Variants in ARHGAP17 observed in about 807,000 individuals in gnomAD.
The protein encoded by ARHGAP17 is rho GTPase-activating protein 17.
In ARHGAP17, 57 loss-of-function variants were observed where a neutral mutation model predicts 99.5. The ratio of observed to expected loss-of-function variants is 0.57; its 90% CI spans 0.46 to 0.71. The LOEUF (loss-of-function observed/expected upper bound fraction) is 0.71. Ranked by LOEUF, ARHGAP17 falls within the 30% of genes least tolerant of loss-of-function variation. The pLI is 0.00. For missense variants in ARHGAP17, 1,000 were observed against 1,122.4 expected (o/e 0.89, Z 1.56); for synonymous variants, 417 against 429.6 (o/e 0.97, Z 0.36).
chr16:24,987,092 C>T (rs1347440899), intron 1 of ARHGAP17, among the ~76,000 whole-genome samples: 1 of 152,222 alleles, frequency 6.6e-6, no homozygotes, highest in Non-Finnish European at 1.5e-5. Flanking sequence ...GTTCTCTACC[C>T]AAGAGTTCAG....
At chr16:24,985,275 A>G (rs527707839) in intron 1 of ARHGAP17, among the ~76,000 whole-genome samples, 1 of 152,348 alleles carries the variant, frequency 6.6e-6, no homozygotes, top group East Asian at 1.9e-4. Context: ...TGCTGCTGTA[A>G]CAAATCACCA....
In ARHGAP17 at chr16:24,954,632, G is replaced by A; in HGVS notation, c.823C>T (p.Leu275=). ...IALPIEACVM[L]LLETGMKEEG... is the part of the protein sequence containing the mutation. ...TCCTTCATGCCTGTCTCCAGAAGCA[G>A]CATGACACAGGCTTCAATGGGCAGC... The change falls in exon 10 of 20, where the codon CTG becomes TTG. Residue 275 remains leucine (L), a synonymous_variant. Coordinates refer to ENST00000289968, the MANE Select transcript of ARHGAP17 (RefSeq NM_001006634.3). 6.2e-7 allele frequency: 1 copy of A among 1,613,944 alleles called. No homozygotes were observed. Among genetic ancestry groups the A allele is most frequent in the Non-Finnish European group, 8.5e-7 (1 of 1,179,914 alleles).
At chr16:24,977,391 A>C in intron 2 of ARHGAP17, 72 bp from the exon 3 acceptor site, 1 of 1,271,166 alleles carries the variant, frequency 7.9e-7, no homozygotes, top group Non-Finnish European at 1.1e-6. Context: ...TGGTAGGAAA[A>C]GCATGGCTGA....
At chr16:24,950,836 C>CAAACAAAAAAAAAAAAAAAAA (rs1386246671) in intron 12 of ARHGAP17, among the ~76,000 whole-genome samples, 14 of 39,440 alleles carry the variant, frequency 3.5e-4, no homozygotes, top group African/African-American at 1.5e-3. Context: ...GACTCCAACT[C>CAAACAAAAAAAAAAAAAAAAA]AAAAAAAAAA....
At position 25,003,292 on chromosome 16, in the gene ARHGAP17, T is replaced by G. The variant is rs187652584; in HGVS notation, c.53+11917A>C. Among the ~76,000 whole-genome samples the G allele has an allele frequency of 1.4e-3, 190 of 139,952 alleles. 1 individual carries two copies. In the Middle Eastern group the frequency reaches 0.018, roughly 14 times the overall value. The allele number at this position is 139,952 out of a possible 152,430, so 91.8% of individuals were successfully genotyped here. A position where few individuals can be genotyped will look rare whatever the true frequency, so the allele number is the denominator to read the frequency against. ...CTCTGTTGCCCAGGCTGGATTGCAG[T>G]GGCAGGATCTCAGCTCATTGCAACC... On this transcript the variant is annotated intron_variant, in intron 1 of 19. Transcript: ENST00000289968.
At chr16:24,922,027 G>A (rs1567724587) in intron 19 of ARHGAP17, among the ~76,000 whole-genome samples, 1 of 152,226 alleles carries the variant, frequency 6.6e-6, no homozygotes, top group Non-Finnish European at 1.5e-5. Context: ...CTGCACACTT[G>A]GATGGTTGGA....
chr16:24,947,624 T>C, intron 13 of ARHGAP17, 29 bp from the exon 14 acceptor site: 1 of 1,566,100 alleles, frequency 6.4e-7, no homozygotes, highest in Non-Finnish European at 8.7e-7. Flanking sequence ...GGGGAGGGTT[T>C]CTCCTCTGAA....
chr16:24,924,818 G>A (rs1022774759), intron 19 of ARHGAP17, among the ~76,000 whole-genome samples: 6 of 151,644 alleles, frequency 4.0e-5, no homozygotes, highest in Non-Finnish European at 8.8e-5. Flanking sequence ...AGCTGAGATC[G>A]CACCACTGCA....
At chr16:25,003,194 C>A in intron 1 of ARHGAP17, among the ~76,000 whole-genome samples, 1 of 148,680 alleles carries the variant, frequency 6.7e-6, no homozygotes, top group Non-Finnish European at 1.5e-5. Flanking sequence ...TCAGCTTATA[C>A]AGGGCAAATA....
intron 1 of ARHGAP17, among the ~76,000 whole-genome samples, chr16:24,999,554 C>G (rs1354721852): frequency 6.6e-6 from 1 of 152,082 alleles, no homozygotes; most frequent in African/African-American, 2.4e-5. Flanking sequence ...ATAGCTGGGA[C>G]TACAGGGGTG....
chr16:25,015,141 C>G, intron 1 of ARHGAP17, 68 bp downstream of exon 1: 1 of 1,195,242 alleles, frequency 8.4e-7, no homozygotes, highest in Non-Finnish European at 1.0e-6. Context: ...AGGAGCCGTC[C>G]CGCCCCCGCG....
At chr16:24,970,394 A>T (rs1007550109) in intron 4 of ARHGAP17, 113 bp downstream of exon 4, 23 of 1,000,498 alleles carry the variant, frequency 2.3e-5, no homozygotes, top group African/African-American at 6.5e-5. Context: ...CTAGCGGATG[A>T]GCCATGCCAT....
chr16:24,947,311 G>C (rs1218913191), intron 14 of ARHGAP17, among the ~76,000 whole-genome samples, 171 bp downstream of exon 14: 1 of 152,202 alleles, frequency 6.6e-6, no homozygotes, highest in Non-Finnish European at 1.5e-5. Context: ...CACCAGCTGG[G>C]ACAGCACCCA....
intron 14 of ARHGAP17, among the ~76,000 whole-genome samples, chr16:24,945,494 G>A (rs1017947437): frequency 2.6e-5 from 4 of 151,996 alleles, no homozygotes; most frequent in East Asian, 1.9e-4. Flanking sequence ...TCTTCACCTC[G>A]CTTAATTTTT....
intron 17 of ARHGAP17, among the ~76,000 whole-genome samples, chr16:24,938,592 T>C (rs2051209320): frequency 6.6e-6 from 1 of 151,554 alleles, no homozygotes; most frequent in Non-Finnish European, 1.5e-5. Flanking sequence ...AGGGCATCTA[T>C]GTTTACCCCA....
intron 1 of ARHGAP17, among the ~76,000 whole-genome samples, chr16:24,982,491 G>A (rs149408874): frequency 6.6e-6 from 1 of 152,284 alleles, no homozygotes; most frequent in African/African-American, 2.4e-5. Context: ...TTACTTTTAA[G>A]TGACAAATCA....
intron 7 of ARHGAP17, among the ~76,000 whole-genome samples, chr16:24,962,241 G>A (rs923638528): frequency 2.0e-5 from 3 of 152,056 alleles, no homozygotes; most frequent in Non-Finnish European, 4.4e-5. Context: ...AGATGACCTG[G>A]GGCAGATTTG....
At position 24,947,552 on chromosome 16, in the gene ARHGAP17, C is replaced by T. The variant is rs765197667; in HGVS notation, c.1171G>A (p.Val391Met). 12 of 1,613,270 alleles carry T rather than the reference C, an allele frequency of 7.4e-6. No homozygotes were observed. The East Asian group carries it at 1.8e-4, about 24-fold the overall frequency. ...ATGTTGCTGGGAGTCATTTTATTCA[C>T]ATCGCTGGTCTGAGCAAGCTTTGCA... The part of the protein sequence containing the change: ...FLAKLAQTSD[V>M]NKMTPSNIAI... Residue 391 changes from valine to methionine, a missense_variant, in exon 14 of 20, where the codon GTG (valine) becomes ATG (methionine). Val to Met is a conservative substitution (Grantham distance 21). Transcript: ENST00000289968.
At chr16:24,925,145 G>C (rs1253813047) in intron 19 of ARHGAP17, among the ~76,000 whole-genome samples, 1 of 152,190 alleles carries the variant, frequency 6.6e-6, no homozygotes, top group African/African-American at 2.4e-5. Flanking sequence ...TTGGGAGGCA[G>C]AAGTGAGTGG....
Sources: gnomAD v4.1 joint callset for allele counts (sites outside exome capture counted in the v4.1 genomes callset) on GRCh38, gnomAD v4.1.1 for gene constraint, MANE v1.5 for transcripts, NCBI Gene and HGNC (gene_info 2026-07-23, HGNC 2026-07-21) for gene names.